The following AGTR1 variants were observed in gnomAD, a reference collection of about 807,000 sequenced individuals.
AGTR1 encodes the protein type-1 angiotensin II receptor.
Under a neutral mutation model 19.4 loss-of-function variants are expected in AGTR1, and 16 were observed. That is an observed-to-expected ratio of 0.82 (90% CI 0.56 to 1.25). The LOEUF (loss-of-function observed/expected upper bound fraction) is 1.25, where lower values mean the gene tolerates loss of function less well. Among genes scored for constraint, AGTR1 ranks in the 50% most tolerant of loss-of-function variants. The pLI, the probability that AGTR1 is intolerant of heterozygous loss-of-function variation, is 0.00. For synonymous variants in AGTR1, 153 were observed against 154.9 expected (o/e 0.99, Z 0.09); for missense variants, 373 against 431.9 (o/e 0.86, Z 1.21).
intron 1 of AGTR1, among the ~76,000 whole-genome samples, chr3:148,700,980 T>C (rs1018139024): frequency 1.3e-5 from 2 of 152,244 alleles, no homozygotes; most frequent in African/African-American, 4.8e-5. Context: ...TCGATTTGTA[T>C]CCTAAATTTA....
At chr3:148,732,381 G>C (rs920688818) in intron 2 of AGTR1, among the ~76,000 whole-genome samples, 2 of 152,116 alleles carry the variant, frequency 1.3e-5, no homozygotes, top group Admixed American at 6.5e-5. Flanking sequence ...AAATGTGCCT[G>C]GGAAATATTT....
chr3:148,716,430 A>C lies in AGTR1; in HGVS notation c.-48+8403A>C, dbSNP rs1352599798. Among the ~76,000 whole-genome samples, 9 of 150,832 alleles carry C rather than the reference A, an allele frequency of 6.0e-5. No individual in the cohort carries two copies. The highest frequency in any genetic ancestry group is 5.9e-4 in the Admixed American group (9 of 15,258). ...AGGTCCTAAGGCTGGTTAATAGTACAAATACAGTTATTTATTTATAACTAG... is the reference window on the plus strand; with the variant it reads ...AGGTCCTAAGGCTGGTTAATAGTACCAATACAGTTATTTATTTATAACTAG... On this transcript the variant is annotated intron_variant, in intron 2 of 2. Coordinates refer to ENST00000349243, the MANE Select transcript of AGTR1 (RefSeq NM_000685.5). The surrounding 1 kb of genome is among the most constrained non-coding windows in gnomAD (Gnocchi z 4.7).
chr3:148,731,724 A>C (rs1476602324), intron 2 of AGTR1, among the ~76,000 whole-genome samples: 1 of 152,226 alleles, frequency 6.6e-6, no homozygotes, highest in African/African-American at 2.4e-5. Flanking sequence ...GTTGCCGGTT[A>C]CTGGCAGAGC....
chr3:148,734,877 T>C (rs1461302418), intron 2 of AGTR1, among the ~76,000 whole-genome samples: 2 of 152,204 alleles, frequency 1.3e-5, no homozygotes. Context: ...TCCAAAGCTA[T>C]TAGGTTTAAG....
In AGTR1 at chr3:148,742,927, A is replaced by G. The variant is rs1157991299; in HGVS notation, c.*812A>G. The G allele has an allele frequency of 2.4e-5, 4 of 166,242 alleles. No homozygotes were observed. Among genetic ancestry groups the G allele is most frequent in the African/African-American group, 2.4e-5 (1 of 41,428 alleles). The allele number at this position is 166,242 out of a possible 1,614,324, so 10.3% of individuals were successfully genotyped here. ...TACACATATATGTATATGTATATCT[A>G]TATCTCTAAACTGCTGTTAATTGAT... On this transcript the variant is annotated 3_prime_UTR_variant, in exon 3 of 3. Coordinates refer to ENST00000349243, the MANE Select transcript of AGTR1 (RefSeq NM_000685.5).
At chr3:148,725,729 C>T (rs1576533541) in intron 2 of AGTR1, among the ~76,000 whole-genome samples, 3 of 152,094 alleles carry the variant, frequency 2.0e-5, no homozygotes, top group Admixed American at 6.5e-5. Flanking sequence ...ATGATCCACC[C>T]GCCTCAGCCT....
intron 1 of AGTR1, among the ~76,000 whole-genome samples, chr3:148,706,754 A>C (rs1452145036): frequency 1.3e-5 from 2 of 152,060 alleles, no homozygotes; most frequent in African/African-American, 4.8e-5. Context: ...AAAGAAGTTC[A>C]ACCTCATTCA....
chr3:148,715,807 T>G (rs796565498), intron 2 of AGTR1, among the ~76,000 whole-genome samples: 60 of 152,288 alleles, frequency 3.9e-4, no homozygotes, highest in African/African-American at 1.4e-3. Context: ...GAAAGTTAGT[T>G]TACCCTTGTA....
chr3:148,740,945 C>T (rs1714835046), intron 2 of AGTR1, 44 bp from the exon 3 acceptor site: 12 of 1,527,570 alleles, frequency 7.9e-6, no homozygotes, highest in Non-Finnish European at 1.1e-5. Context: ...TGTTTGTTTA[C>T]AATAAGAATT....
In AGTR1 at chr3:148,704,277, G is replaced by A. The variant is rs547836859; in HGVS notation, c.-131-3667G>A. On this transcript the variant is annotated intron_variant, in intron 1 of 2. Transcript: ENST00000349243. ...ACTACTCAGGAGACTGAGTTGGGAG[G>A]ATTGCTTGAGTCTGGGAGGTGAAGG... Among the ~76,000 whole-genome samples the A allele has an allele frequency of 3.7e-4, 56 of 152,052 alleles. No homozygotes were observed. The South Asian group carries it at 0.011, about 30-fold the overall frequency.
At chr3:148,707,338 T>C (rs188846288) in intron 1 of AGTR1, among the ~76,000 whole-genome samples, 2 of 152,318 alleles carry the variant, frequency 1.3e-5, no homozygotes, top group East Asian at 3.9e-4. Flanking sequence ...TAACTATTAG[T>C]AGTACCTCTG....
intron 2 of AGTR1, among the ~76,000 whole-genome samples, chr3:148,714,787 A>G (rs4681444): frequency 6.6e-6 from 1 of 151,928 alleles, no homozygotes; most frequent in Non-Finnish European, 1.5e-5. Context: ...ACTCAGCTAC[A>G]TTATTTGGTG....
intron 2 of AGTR1, among the ~76,000 whole-genome samples, chr3:148,720,132 G>A (rs970221639): frequency 7.9e-5 from 12 of 152,244 alleles, no homozygotes; most frequent in African/African-American, 2.6e-4. Flanking sequence ...TTGGGTTAGA[G>A]GTAGCTACAA....
At chr3:148,705,774 G>GA (rs1351540066) in intron 1 of AGTR1, among the ~76,000 whole-genome samples, 6 of 151,668 alleles carry the variant, frequency 4.0e-5, no homozygotes, top group Non-Finnish European at 8.8e-5. Context: ...AGTAGTAAGT[G>GA]AAAAAATCAC....
At chr3:148,718,476 A>G (rs1470357677) in intron 2 of AGTR1, among the ~76,000 whole-genome samples, 1 of 152,142 alleles carries the variant, frequency 6.6e-6, no homozygotes, top group Non-Finnish European at 1.5e-5. Context: ...CAGAGGGTAG[A>G]CCCAAATGGA....
At chr3:148,735,939 CT>C (rs1714550512) in intron 2 of AGTR1, among the ~76,000 whole-genome samples, 1 of 152,124 alleles carries the variant, frequency 6.6e-6, no homozygotes. Context: ...GAGAGAGATA[CT>C]TTGATAGAAG....
intron 2 of AGTR1, among the ~76,000 whole-genome samples, chr3:148,729,010 G>GTAC (rs1264901116): frequency 6.8e-5 from 1 of 14,654 alleles, no homozygotes; most frequent in East Asian, 0.056. Flanking sequence ...GTAACTTTGA[G>GTAC]AACAAGAGCC....
intron 1 of AGTR1, among the ~76,000 whole-genome samples, chr3:148,699,702 A>C (rs1203963984): frequency 6.6e-6 from 1 of 152,202 alleles, no homozygotes; most frequent in Non-Finnish European, 1.5e-5. Context: ...GTCTAAGCTT[A>C]AGGCTAGGTT....
intron 2 of AGTR1, among the ~76,000 whole-genome samples, chr3:148,734,581 A>G (rs553994516): frequency 6.6e-6 from 1 of 152,358 alleles, no homozygotes; most frequent in South Asian, 2.1e-4. Flanking sequence ...AATGACATTA[A>G]TAATTTTAAT....
Sources: gnomAD v4.1 joint callset for allele counts (sites outside exome capture counted in the v4.1 genomes callset) on GRCh38, gnomAD v4.1.1 for gene constraint, Gnocchi (gnomAD v3.1) non-coding constraint, MANE v1.5 for transcripts, NCBI Gene and HGNC (gene_info 2026-07-23, HGNC 2026-07-21) for gene names.